The following RIN2 variants were observed in gnomAD, a reference collection of about 807,000 sequenced individuals.
The protein encoded by RIN2 is RAB5 interacting protein 2.
A neutral mutation model predicts 78.0 loss-of-function variants in RIN2; 36 were observed. The observed-to-expected ratio is 0.46, with a 90% CI of 0.35 to 0.61. The LOEUF is 0.61. RIN2 is among the 20% of genes least tolerant of loss of function. RIN2 has a pLI of 0.00. For synonymous variants in RIN2, 466 were observed against 466.8 expected (o/e 1.00, Z 0.02); for missense variants, 1,087 against 1,159.7 (o/e 0.94, Z 0.91).
At chr20:19,786,270 T>C (rs1272316004) in intron 1 of RIN2, among the ~76,000 whole-genome samples, 1 of 152,158 alleles carries the variant, frequency 6.6e-6, no homozygotes, top group Non-Finnish European at 1.5e-5. Context: ...AAAAAGATAG[T>C]GCAATTTCCA....
intron 3 of RIN2, among the ~76,000 whole-genome samples, chr20:19,898,245 C>A (rs1600728828): frequency 6.6e-6 from 1 of 152,186 alleles, no homozygotes; most frequent in East Asian, 1.9e-4. Context: ...CGTTCCAACA[C>A]ATGCTCATCT....
chr20:20,001,072 C>T lies in RIN2; in HGVS notation c.*136C>T. On this transcript the variant is annotated 3_prime_UTR_variant, in exon 13 of 13. Coordinates refer to ENST00000255006, the MANE Select transcript of RIN2 (RefSeq NM_018993.4). ...GTGTAGTGACTAAGCCATCCACAGG[C>T]CAACTCGGCCAAGGGCAACTTTAGC... 1.3e-6 allele frequency: 1 copy of T among 773,100 alleles called. No homozygotes were observed. The highest frequency in any genetic ancestry group is 2.0e-6 in the Non-Finnish European group (1 of 501,022). 47.9% of individuals were successfully genotyped at this position (773,100 alleles called of 1,614,324 possible).
chr20:19,842,081 G>A (rs1167780008), intron 2 of RIN2, among the ~76,000 whole-genome samples: 2 of 152,198 alleles, frequency 1.3e-5, no homozygotes, highest in African/African-American at 2.4e-5. Context: ...TTAAGTTGAA[G>A]CCAATATTCA....
intron 3 of RIN2, among the ~76,000 whole-genome samples, chr20:19,910,783 G>T (rs1047321630): frequency 2.6e-5 from 4 of 151,372 alleles, no homozygotes; most frequent in South Asian, 2.1e-4. Context: ...GGCCAGGCTG[G>T]TCACAAACTC....
chr20:19,838,191 G>C (rs2036477014), intron 2 of RIN2, among the ~76,000 whole-genome samples: 1 of 152,144 alleles, frequency 6.6e-6, no homozygotes, highest in Non-Finnish European at 1.5e-5. Flanking sequence ...TCTGCAATAA[G>C]TAAGTCTAAG....
chr20:19,877,302 A>C (rs1240338948), intron 2 of RIN2, among the ~76,000 whole-genome samples: 1 of 152,218 alleles, frequency 6.6e-6, no homozygotes, highest in Non-Finnish European at 1.5e-5. Flanking sequence ...ACATTACCCC[A>C]GCCCCAGAGA....
chr20:19,796,703 A>G (rs2035065757), intron 1 of RIN2, among the ~76,000 whole-genome samples: 1 of 152,148 alleles, frequency 6.6e-6, no homozygotes, highest in African/African-American at 2.4e-5. Flanking sequence ...CCCCAAATTG[A>G]TTTGGGATGT....
In RIN2 at chr20:19,927,235, A is replaced by G. The variant is rs993057667; in HGVS notation, c.58-7864A>G. Among the ~76,000 whole-genome samples, 5 of 152,204 alleles carry G rather than the reference A, an allele frequency of 3.3e-5. No individual in the cohort carries two copies. The East Asian group carries it at 7.7e-4, about 23-fold the overall frequency. On this transcript the variant is annotated intron_variant, in intron 3 of 12. Transcript: ENST00000255006. ...GGTTAATAACAATTGCCATTAATAT[A>G]AAGAGATAATTTGTTACTTATTTAT...
intron 2 of RIN2, among the ~76,000 whole-genome samples, chr20:19,801,135 G>A (rs2035228203): frequency 2.0e-5 from 3 of 152,142 alleles, no homozygotes. Context: ...TTGGACCCTG[G>A]TTGGGTGCCT....
intron 2 of RIN2, among the ~76,000 whole-genome samples, chr20:19,831,403 A>G (rs2036247807): frequency 6.6e-6 from 1 of 152,184 alleles, no homozygotes; most frequent in South Asian, 2.1e-4. Flanking sequence ...GGATGCGTAG[A>G]GGGAGGTAGA....
chr20:19,824,084 G>C, intron 2 of RIN2: 1 of 605,382 alleles, frequency 1.7e-6, no homozygotes, highest in East Asian at 2.8e-5. Flanking sequence ...CACATGTGCT[G>C]AGTTAATTGT....
At chr20:19,989,675 G>A (rs2042734258) in intron 9 of RIN2, among the ~76,000 whole-genome samples, 1 of 152,204 alleles carries the variant, frequency 6.6e-6, no homozygotes, top group African/African-American at 2.4e-5. Flanking sequence ...ACCAGTTGAA[G>A]GACTAGGTCA....
chr20:19,912,937 C>T (rs1479294184), intron 3 of RIN2, among the ~76,000 whole-genome samples: 3 of 152,176 alleles, frequency 2.0e-5, no homozygotes, highest in Non-Finnish European at 2.9e-5. Flanking sequence ...GTGCCATGAG[C>T]GTGCGGTGCA....
intron 3 of RIN2, among the ~76,000 whole-genome samples, chr20:19,931,072 G>C (rs1190249297): frequency 6.6e-6 from 1 of 152,050 alleles, no homozygotes; most frequent in East Asian, 1.9e-4. Context: ...AACATGGTGA[G>C]AAAGTGTCTC....
chr20:19,879,921 C>T (rs961122004), intron 2 of RIN2, among the ~76,000 whole-genome samples: 3 of 152,090 alleles, frequency 2.0e-5, no homozygotes, highest in African/African-American at 7.2e-5. Context: ...TAAACTCTTT[C>T]ATTTCTTTGG....
intron 4 of RIN2, chr20:19,935,509 A>G (rs2040602579): frequency 9.0e-7 from 1 of 1,108,182 alleles, no homozygotes; most frequent in African/African-American, 1.6e-5. Flanking sequence ...ATGCAGCAAG[A>G]TCCAGCGTGT....
At chr20:19,935,045 G>A (rs1470358277) in intron 3 of RIN2, 54 bp from the exon 4 acceptor site, 1 of 1,350,730 alleles carries the variant, frequency 7.4e-7, no homozygotes, top group African/African-American at 1.4e-5. Context: ...GGGCGCTGTG[G>A]GCATGCCACG....
At chr20:19,854,691 T>C (rs2037107717) in intron 2 of RIN2, among the ~76,000 whole-genome samples, 1 of 152,202 alleles carries the variant, frequency 6.6e-6, no homozygotes. Flanking sequence ...TGTCTGTTAT[T>C]GGTGTATAAG....
chr20:19,938,312 G>A (rs1205114270), intron 4 of RIN2, among the ~76,000 whole-genome samples: 1 of 152,090 alleles, frequency 6.6e-6, no homozygotes, highest in Admixed American at 6.6e-5. Context: ...TTGACCTCCT[G>A]GGCTCAAGTG....
Sources: allele counts gnomAD v4.1 joint callset (sites outside exome capture counted in the v4.1 genomes callset), GRCh38; gene constraint gnomAD v4.1.1; transcripts MANE v1.5; gene names NCBI Gene and HGNC (gene_info 2026-07-23, HGNC 2026-07-21).